The following RIMS2 variants were observed in gnomAD, a reference collection of about 807,000 sequenced individuals.
RIMS2 encodes the protein regulating synaptic membrane exocytosis protein 2.
In RIMS2, 59 loss-of-function variants were observed where a neutral mutation model predicts 174.4. The ratio of observed to expected loss-of-function variants is 0.34; its 90% confidence interval spans 0.27 to 0.42. The LOEUF is 0.42. Among genes scored for constraint, RIMS2 ranks in the 10% least tolerant of loss-of-function variants. RIMS2 has a pLI of 1.00. For synonymous variants in RIMS2, 606 were observed against 572.5 expected (o/e 1.06, Z -0.84); for missense variants, 1,620 against 1,666.3 (o/e 0.97, Z 0.48).
At chr8:103,729,967 T>A (rs943656913) in intron 2 of RIMS2, among the ~76,000 whole-genome samples, 6 of 152,216 alleles carry the variant, frequency 3.9e-5, no homozygotes, top group African/African-American at 1.4e-4. Context: ...GCCTAGCATA[T>A]GGTCTATGCT....
At chr8:103,953,464 G>T (rs1041554685) in intron 14 of RIMS2, among the ~76,000 whole-genome samples, 1 of 152,074 alleles carries the variant, frequency 6.6e-6, no homozygotes, top group Non-Finnish European at 1.5e-5. Context: ...CTTAAAGAAA[G>T]GATTTTTCAA....
chr8:104,045,622 C>T (rs775336956), intron 19 of RIMS2, among the ~76,000 whole-genome samples: 89 of 151,748 alleles, frequency 5.9e-4, no homozygotes, highest in Non-Finnish European at 9.0e-4. Flanking sequence ...ATAAGTAGAT[C>T]TCAACATAAA....
chr8:103,646,846 C>T (rs1023414499), intron 1 of RIMS2, among the ~76,000 whole-genome samples: 2 of 152,068 alleles, frequency 1.3e-5, no homozygotes, highest in Non-Finnish European at 2.9e-5. Context: ...GCCTGACTGC[C>T]CTGGCCAGAA....
At chr8:103,933,792 G>T (rs1449668150) in intron 12 of RIMS2, among the ~76,000 whole-genome samples, 2 of 152,074 alleles carry the variant, frequency 1.3e-5, no homozygotes, top group African/African-American at 2.4e-5. Context: ...TTTATTTGTG[G>T]TTGACACAAG....
intron 19 of RIMS2, among the ~76,000 whole-genome samples, chr8:104,069,391 T>C (rs1483707729): frequency 3.3e-5 from 5 of 152,132 alleles, no homozygotes; most frequent in Non-Finnish European, 7.4e-5. Flanking sequence ...TGAATCTTTT[T>C]TAACTACTTT....
chr8:103,597,790 A>T (rs79475473), intron 1 of RIMS2, among the ~76,000 whole-genome samples: 9,914 of 152,114 alleles, frequency 0.065, 396 homozygotes, highest in South Asian at 0.087. Context: ...TCCAGAGGTT[A>T]TAAGCTATAA....
chr8:103,500,715 C>G, upstream of RIMS2: 1 of 535,026 alleles, frequency 1.9e-6, no homozygotes. Context: ...CGCGCTCGCC[C>G]TCCCCTCCCC....
In RIMS2 at chr8:104,156,511, G is replaced by A. The variant is rs190415156; in HGVS notation, c.3335-88405G>A. 3.3e-3 allele frequency among the ~76,000 whole-genome samples: 498 copies of A among 152,062 alleles called. 5 individuals are homozygous for A. Among genetic ancestry groups the A allele is most frequent in the African/African-American group, 0.011 (471 of 41,470 alleles). On this transcript the variant is annotated intron_variant, in intron 19 of 23. Coordinates refer to ENST00000504942, the Ensembl canonical transcript of RIMS2. Reference sequence around the variant, plus strand: ...AGCCACTGTTTTCAGAAATTATAAGGCACTTTACTTCAAATATGTTTCCTG... The same window carrying A: ...AGCCACTGTTTTCAGAAATTATAAGACACTTTACTTCAAATATGTTTCCTG...
intron 19 of RIMS2, chr8:104,223,619 T>C (rs1359347211): frequency 1.3e-6 from 2 of 1,578,352 alleles, no homozygotes; most frequent in Non-Finnish European, 1.7e-6. Flanking sequence ...GCCGCGTATC[T>C]TGTACCGCGG....
intron 2 of RIMS2, among the ~76,000 whole-genome samples, chr8:103,763,815 T>A (rs929970324): frequency 5.9e-5 from 9 of 152,170 alleles, no homozygotes; most frequent in Admixed American, 2.6e-4. Flanking sequence ...ACAGAAACAA[T>A]ACTACTTGTA....
intron 2 of RIMS2, among the ~76,000 whole-genome samples, chr8:103,754,596 T>C (rs2097952730): frequency 6.6e-6 from 1 of 152,220 alleles, no homozygotes; most frequent in Admixed American, 6.5e-5. Flanking sequence ...GGACTTGCTT[T>C]ATGAATCTGG....
At chr8:103,923,657 G>C (rs2078157710) in intron 10 of RIMS2, among the ~76,000 whole-genome samples, 1 of 151,532 alleles carries the variant, frequency 6.6e-6, no homozygotes, top group Non-Finnish European at 1.5e-5. Flanking sequence ...CTTATGACTT[G>C]GAAGGAATAT....
At chr8:103,914,951 T>G (rs2076379003) in intron 6 of RIMS2, among the ~76,000 whole-genome samples, 1 of 152,074 alleles carries the variant, frequency 6.6e-6, no homozygotes, top group Non-Finnish European at 1.5e-5. Context: ...AATGAAAAAT[T>G]GGGATTCAGA....
At chr8:103,660,381 G>A (rs1388379070) in intron 1 of RIMS2, among the ~76,000 whole-genome samples, 1 of 152,162 alleles carries the variant, frequency 6.6e-6, no homozygotes, top group Admixed American at 6.5e-5. Context: ...TCACGTATCT[G>A]CTCAGCTCTG....
intron 1 of RIMS2, among the ~76,000 whole-genome samples, chr8:103,536,560 G>A (rs965033706): frequency 2.6e-5 from 4 of 152,122 alleles, no homozygotes; most frequent in Non-Finnish European, 4.4e-5. Flanking sequence ...ACGTCTGCTC[G>A]GTTTCTGGGG....
intron 19 of RIMS2, among the ~76,000 whole-genome samples, chr8:104,172,346 A>G (rs974438532): frequency 6.6e-6 from 1 of 152,204 alleles, no homozygotes; most frequent in Non-Finnish European, 1.5e-5. Context: ...CATGGTAGAA[A>G]TGGGAGGTAC....
chr8:104,192,646 C>T (rs999167223), intron 19 of RIMS2, among the ~76,000 whole-genome samples: 1 of 152,244 alleles, frequency 6.6e-6, no homozygotes, highest in Non-Finnish European at 1.5e-5. Context: ...ACTTGTCTTT[C>T]TGGAGATGAA....
chr8:103,568,129 A>G (rs1421496430), intron 1 of RIMS2, among the ~76,000 whole-genome samples: 1 of 151,790 alleles, frequency 6.6e-6, no homozygotes, highest in Non-Finnish European at 1.5e-5. Context: ...AATAAAAGTA[A>G]ATGAAATAAA....
intron 1 of RIMS2, among the ~76,000 whole-genome samples, chr8:103,520,715 T>C (rs1831253655): frequency 6.6e-6 from 1 of 152,158 alleles, no homozygotes; most frequent in Admixed American, 6.6e-5. Context: ...TTGAGAAGTA[T>C]GTATTTCAAG....
Sources: allele counts gnomAD v4.1 joint callset (sites outside exome capture counted in the v4.1 genomes callset), GRCh38; gene constraint gnomAD v4.1.1; transcripts MANE v1.5; gene names NCBI Gene and HGNC (gene_info 2026-07-23, HGNC 2026-07-21).